Variants in XKR9 observed in about 807,000 individuals in gnomAD.
XKR9 encodes XK-related protein 9.
A neutral mutation model predicts 32.0 loss-of-function variants in XKR9; 32 were observed. That is an observed-to-expected ratio of 1.00 (90% CI 0.76 to 1.34). The LOEUF (loss-of-function observed/expected upper bound fraction) is 1.34, where lower values mean the gene tolerates loss of function less well. Ranked by LOEUF, XKR9 falls within the 40% of genes most tolerant of loss-of-function variation. XKR9 has a pLI of 0.00. For missense variants in XKR9, 546 were observed against 429.7 expected (o/e 1.27, Z -2.39); for synonymous variants, 168 against 143.4 (o/e 1.17, Z -1.22).
At chr8:70,794,633 A>G (rs1018768150), downstream of XKR9, among the ~76,000 whole-genome samples, 8 of 152,004 alleles carry the variant, frequency 5.3e-5, no homozygotes, top group African/African-American at 1.9e-4. Flanking sequence ...CTGTCATTCT[A>G]TTAATATGGT....
At chr8:70,810,599 A>G in the XKR9 span, among the ~76,000 whole-genome samples, 48,458 of 151,990 alleles carry the variant, frequency 0.32, 9,077 homozygotes, top group Non-Finnish European at 0.43. Flanking sequence ...AGGAAGATCT[A>G]CAAAGCAAAT....
chr8:71,025,323 G>T, the XKR9 span, among the ~76,000 whole-genome samples: 2 of 152,166 alleles, frequency 1.3e-5, no homozygotes, highest in African/African-American at 4.8e-5. Flanking sequence ...AGAATAGTTT[G>T]GTTATTTTTA....
chr8:71,033,338 G>A, the XKR9 span, among the ~76,000 whole-genome samples: 1 of 152,160 alleles, frequency 6.6e-6, no homozygotes, highest in African/African-American at 2.4e-5. Context: ...TTGAAGATTA[G>A]ATGAGTTAAC....
chr8:71,016,477 T>C, the XKR9 span, among the ~76,000 whole-genome samples: 65,733 of 151,918 alleles, frequency 0.43, 15,270 homozygotes, highest in Non-Finnish European at 0.53. Flanking sequence ...AACAGGACAA[T>C]TGAGCCACAC....
chr8:70,880,903 G>A, the XKR9 span, among the ~76,000 whole-genome samples: 1 of 152,102 alleles, frequency 6.6e-6, no homozygotes, highest in East Asian at 1.9e-4. Context: ...AAACAGCATG[G>A]TACTGGTACC....
intron 3 of XKR9, among the ~76,000 whole-genome samples, chr8:70,693,348 A>C (rs1304745062): frequency 6.6e-6 from 1 of 152,068 alleles, no homozygotes; most frequent in African/African-American, 2.4e-5. Context: ...TGGGGGTATG[A>C]TCCAGCAGAT....
the XKR9 span, among the ~76,000 whole-genome samples, chr8:70,798,343 C>T: frequency 6.6e-6 from 1 of 152,078 alleles, no homozygotes; most frequent in East Asian, 1.9e-4. Context: ...TTGTTTGTCA[C>T]ATTTGCCTTC....
At chr8:71,042,972 A>G in the XKR9 span, among the ~76,000 whole-genome samples, 1 of 152,142 alleles carries the variant, frequency 6.6e-6, no homozygotes, top group African/African-American at 2.4e-5. Flanking sequence ...TGTTAGACTG[A>G]GGAGCAACTC....
chr8:70,974,537 C>T, the XKR9 span, among the ~76,000 whole-genome samples: 1 of 152,138 alleles, frequency 6.6e-6, no homozygotes. Flanking sequence ...ATGATGGTTG[C>T]CAGCTTCGTC....
intron 4 of XKR9, among the ~76,000 whole-genome samples, chr8:70,729,673 C>A (rs989077582): frequency 6.6e-6 from 1 of 152,082 alleles, no homozygotes; most frequent in Non-Finnish European, 1.5e-5. Context: ...ACAAGAAAAT[C>A]TGTTACCTCT....
At chr8:70,996,356 A>C in the XKR9 span, among the ~76,000 whole-genome samples, 46 of 152,204 alleles carry the variant, frequency 3.0e-4, no homozygotes, top group Non-Finnish European at 5.1e-4. Flanking sequence ...ATATTTGAAC[A>C]ACTTGTGGCA....
At chr8:70,794,497 G>A (rs1157907854), downstream of XKR9, among the ~76,000 whole-genome samples, 1 of 152,010 alleles carries the variant, frequency 6.6e-6, no homozygotes, top group Non-Finnish European at 1.5e-5. Context: ...TTTTTCATAT[G>A]ACCTTTATTA....
At chr8:70,727,557 C>T (rs972908688) in intron 4 of XKR9, among the ~76,000 whole-genome samples, 2 of 152,148 alleles carry the variant, frequency 1.3e-5, no homozygotes, top group African/African-American at 4.8e-5. Context: ...CACACCACCA[C>T]GCCTGGCTAA....
At chr8:70,904,854 G>A in the XKR9 span, among the ~76,000 whole-genome samples, 10 of 152,110 alleles carry the variant, frequency 6.6e-5, no homozygotes, top group African/African-American at 2.2e-4. Flanking sequence ...TGTCTGTAAA[G>A]GATTTTATTT....
At chr8:70,746,758 T>C (rs1345127504) in intron 2 of XKR9, among the ~76,000 whole-genome samples, 1 of 151,856 alleles carries the variant, frequency 6.6e-6, no homozygotes, top group East Asian at 1.9e-4. Flanking sequence ...ATGGCAGTAT[T>C]GAGAGGTGGG....
At chr8:70,865,561 A>G in the XKR9 span, among the ~76,000 whole-genome samples, 1 of 151,928 alleles carries the variant, frequency 6.6e-6, no homozygotes, top group Non-Finnish European at 1.5e-5. Context: ...TGTAATTATA[A>G]TGGTGTAAGT....
At chr8:70,698,236 G>A (rs1336747359) in intron 3 of XKR9, among the ~76,000 whole-genome samples, 1 of 151,816 alleles carries the variant, frequency 6.6e-6, no homozygotes, top group Non-Finnish European at 1.5e-5. Flanking sequence ...GCTTTTGAAT[G>A]TGTTTGCTCT....
chr8:71,044,858 A>C, the XKR9 span, among the ~76,000 whole-genome samples: 1 of 152,242 alleles, frequency 6.6e-6, no homozygotes, highest in Non-Finnish European at 1.5e-5. Flanking sequence ...GAATAAGTAC[A>C]ACCAGCGTAG....
the XKR9 span, among the ~76,000 whole-genome samples, chr8:71,050,254 T>TAC: frequency 8.0e-6 from 1 of 125,168 alleles, no homozygotes; most frequent in Non-Finnish European, 1.6e-5. Context: ...TATATATATA[T>TAC]ATATATAGAT....
Sources: allele counts gnomAD v4.1 joint callset (sites outside exome capture counted in the v4.1 genomes callset), GRCh38; gene constraint gnomAD v4.1.1; transcripts MANE v1.5; gene names NCBI Gene and HGNC (gene_info 2026-07-23, HGNC 2026-07-21).